The following HACL1 variants were observed in gnomAD, a reference collection of about 807,000 sequenced individuals.
HACL1 encodes 2-hydroxyacyl-CoA lyase 1.
HACL1 carries 64 observed loss-of-function variants against 74.2 expected under a neutral mutation model. The ratio of observed to expected loss-of-function variants is 0.86; its 90% CI spans 0.70 to 1.06. The LOEUF is 1.06. Among genes scored for constraint, HACL1 ranks in the 50% least tolerant of loss-of-function variants. The pLI, the probability that HACL1 is intolerant of heterozygous loss-of-function variation, is 0.00. For synonymous variants in HACL1, 230 were observed against 238.8 expected (o/e 0.96, Z 0.34); for missense variants, 728 against 719.7 (o/e 1.01, Z -0.13).
chr3:15,585,397 T>G, intron 6 of HACL1, 55 bp from the exon 7 acceptor site: 1 of 948,280 alleles, frequency 1.1e-6, no homozygotes, highest in Admixed American at 2.0e-5. Flanking sequence ...CTTATCATAT[T>G]CTACTCAAAG....
In HACL1 at chr3:15,591,628, C is replaced by G. The variant is rs781735136; in HGVS notation, c.280G>C (p.Gly94Arg). Residue 94 changes from glycine to arginine, a missense_variant, in exon 4 of 17, where the codon GGT becomes CGT. Physicochemically the swap from Gly to Arg is moderately radical, Grantham distance 125. Transcript: ENST00000321169. ...SGPGLIHALGGMANANMNCWP... is the reference protein window; with the variant it reads ...SGPGLIHALGRMANANMNCWP... ...CAGTTCATGTTTGCATTTGCCATACCGCCCAAGGCATGGATGAGACCTGGG... is the reference window on the plus strand; with the variant it reads ...CAGTTCATGTTTGCATTTGCCATACGGCCCAAGGCATGGATGAGACCTGGG... 24 of 1,609,248 alleles carry G rather than the reference C, an allele frequency of 1.5e-5. No individual in the cohort carries two copies. The highest frequency in any genetic ancestry group is 2.0e-5 in the Non-Finnish European group (23 of 1,175,956).
chr3:15,592,522 A>ATATACACATG (rs1450688560), intron 3 of HACL1, among the ~76,000 whole-genome samples: 1 of 148,638 alleles, frequency 6.7e-6, no homozygotes. Flanking sequence ...ACTTGTATAC[A>ATATACACATG]TATACACATG....
intron 3 of HACL1, among the ~76,000 whole-genome samples, chr3:15,592,065 CGT>C (rs1559560698): frequency 1.7e-3 from 27 of 15,942 alleles, no homozygotes; most frequent in African/African-American, 5.0e-3. Flanking sequence ...CGTATATATA[CGT>C]ATATACGTAT....
intron 15 of HACL1, 28 bp downstream of exon 15, chr3:15,564,523 T>C (rs776139566): frequency 2.1e-6 from 2 of 944,240 alleles, no homozygotes; most frequent in Non-Finnish European, 3.4e-6. Context: ...AAAGAGAAAG[T>C]AAACAGACAT....
chr3:15,582,983 CATGTACCTGGAAAAAA>C lies in HACL1; in HGVS notation c.555-10_560del. On this transcript the variant is annotated splice_acceptor_variant and splice_polypyrimidine_tract_variant and coding_sequence_variant and intron_variant, in exon 8 of 17. Transcript: ENST00000321169. LOFTEE classifies it high-confidence loss of function. ...TAATAGGAGGTGACATGCAGCGTTCCATGTACCTGGAAAAAAAGAGCCCTATTAATTAAAAGAGGCC... is the reference window on the plus strand; with the variant it reads ...TAATAGGAGGTGACATGCAGCGTTCCAGAGCCCTATTAATTAAAAGAGGCC... 6.4e-7 allele frequency: 1 copy of C among 1,562,702 alleles called. No homozygotes were observed. Among genetic ancestry groups the C allele is most frequent in the Non-Finnish European group, 8.8e-7 (1 of 1,140,394 alleles).
intron 7 of HACL1, among the ~76,000 whole-genome samples, chr3:15,584,804 AAATATGAG>A (rs2063766889): frequency 6.6e-6 from 1 of 152,204 alleles, no homozygotes; most frequent in South Asian, 2.1e-4. Flanking sequence ...TTTATTTAAG[AAATATGAG>A]AATATGAGAA....
Position 15,567,847 on chromosome 3 carries a change from C to T in HACL1, c.1406G>A (p.Cys469Tyr). The T allele has an allele frequency of 4.3e-6, 7 of 1,613,150 alleles. No homozygotes were observed. The highest frequency in any genetic ancestry group is 5.9e-6 in the Non-Finnish European group (7 of 1,179,082). ...GFSGMEVETI[C>Y]RYNLPIILLV... ...CTGATTCAGGATGATGTTTTACCTG[C>T]AGATGGTTTCTACCTCCATGCCAGA... Residue 469 changes from cysteine to tyrosine, a missense_variant, in exon 14 of 17, where the codon TGC becomes TAC. Coordinates refer to ENST00000321169, the MANE Select transcript of HACL1 (RefSeq NM_012260.4).
At chr3:15,588,405 C>T (rs1400452545) in intron 5 of HACL1, among the ~76,000 whole-genome samples, 2 of 152,020 alleles carry the variant, frequency 1.3e-5, no homozygotes, top group Non-Finnish European at 2.9e-5. Flanking sequence ...CCAGCCTGGG[C>T]ACCATGGCAA....
In HACL1 at chr3:15,601,202, A is replaced by G. The variant is rs775019349; in HGVS notation, c.82-8T>C. 55 of 1,601,384 alleles carry G rather than the reference A, an allele frequency of 3.4e-5. No homozygotes were observed. Among genetic ancestry groups the G allele is most frequent in the Non-Finnish European group, 4.7e-5 (55 of 1,168,480 alleles). On this transcript the variant is annotated splice_polypyrimidine_tract_variant and splice_region_variant and intron_variant, in intron 1 of 16. Coordinates refer to ENST00000321169, the MANE Select transcript of HACL1 (RefSeq NM_012260.4). ...AAATATGTACTCCACATCCTGAGGA[A>G]CGAAGAACAGGGGAGTAAACTCCCA...
In HACL1 at chr3:15,573,248, A is replaced by T. The variant is rs774877866; in HGVS notation, c.910-6T>A. ...TCTTCTGCACAGATATCAACCTAAA[A>T]AAGAGACAAGGCTAAAGAACAACCC... On this transcript the variant is annotated splice_polypyrimidine_tract_variant and splice_region_variant and intron_variant, in intron 10 of 16. Transcript: ENST00000321169. 7.0e-6 allele frequency: 11 copies of T among 1,573,024 alleles called. No individual in the cohort carries two copies. The African/African-American group carries it at 1.3e-4, about 19-fold the overall frequency.
chr3:15,591,491 GGT>G, intron 4 of HACL1, 107 bp downstream of exon 4: 3 of 575,226 alleles, frequency 5.2e-6, no homozygotes, highest in Non-Finnish European at 6.0e-6. Context: ...GAATTGAAGG[GGT>G]TTTTTTTTTC....
intron 3 of HACL1, chr3:15,596,022 G>A (rs2064056679): frequency 5.8e-6 from 1 of 171,850 alleles, no homozygotes; most frequent in African/African-American, 2.4e-5. Context: ...TAGGTAACAT[G>A]GATACACACT....
At chr3:15,569,859 A>G (rs6797859) in intron 12 of HACL1, among the ~76,000 whole-genome samples, 42,195 of 150,946 alleles carry the variant, frequency 0.28, 9,101 homozygotes, top group African/African-American at 0.58. Context: ...GCATGGTGCC[A>G]GCTACCTGTA....
chr3:15,581,580 T>C (rs1304026512), intron 8 of HACL1, among the ~76,000 whole-genome samples: 1 of 152,214 alleles, frequency 6.6e-6, no homozygotes, highest in Non-Finnish European at 1.5e-5. Context: ...TCTTCCTGCT[T>C]TGCCTTTGGT....
At chr3:15,589,052 C>T (rs1228021848) in intron 5 of HACL1, among the ~76,000 whole-genome samples, 1 of 152,166 alleles carries the variant, frequency 6.6e-6, no homozygotes, top group East Asian at 1.9e-4. Context: ...CCTTAATATC[C>T]ACCCTGAAGT....
chr3:15,571,829 CTTTTTTTTTTTTTTTTTTTT>C lies in HACL1; in HGVS notation c.994-80_994-61del, dbSNP rs869072841. The C allele has an allele frequency of 7.5e-3, 1,697 of 226,338 alleles. 64 individuals carry two copies. The highest frequency in any genetic ancestry group is 0.072 in the African/African-American group (1,529 of 21,378). 14.0% of individuals were successfully genotyped at this position (226,338 alleles called of 1,614,324 possible). A position where few individuals can be genotyped will look rare whatever the true frequency, so the allele number is the denominator to read the frequency against. On this transcript the variant is annotated intron_variant, in intron 11 of 16. Transcript: ENST00000321169. Reference sequence around the variant, plus strand: ...TAAACTTTTTCTTTGCCTTTTTTTTCTTTTTTTTTTTTTTTTTTTTTTTTTTTTGAGACGAAGTCTCGTTC... The same window carrying C: ...TAAACTTTTTCTTTGCCTTTTTTTTCTTTTTTTTGAGACGAAGTCTCGTTC...
chr3:15,589,482 G>A (rs1334323398), intron 5 of HACL1, 58 bp downstream of exon 5: 2 of 1,101,744 alleles, frequency 1.8e-6, no homozygotes, highest in Admixed American at 1.8e-5. Flanking sequence ...CAACAACAAA[G>A]CAAGATCCTG....
intron 4 of HACL1, among the ~76,000 whole-genome samples, chr3:15,591,100 C>T (rs1285754216): frequency 6.6e-6 from 1 of 152,074 alleles, no homozygotes; most frequent in Non-Finnish European, 1.5e-5. Context: ...GTGTTTATCT[C>T]TAAGTAACTA....
intron 11 of HACL1, 36 bp from the exon 12 acceptor site, chr3:15,571,805 A>G: frequency 2.9e-6 from 2 of 688,470 alleles, no homozygotes; most frequent in Non-Finnish European, 4.8e-6. Context: ...ACAAACACAT[A>G]AACTTTTTCT....
Sources: allele counts gnomAD v4.1 joint callset (sites outside exome capture counted in the v4.1 genomes callset), GRCh38; gene constraint gnomAD v4.1.1; transcripts MANE v1.5; gene names NCBI Gene and HGNC (gene_info 2026-07-23, HGNC 2026-07-21).